The following CCDC60 variants were observed in gnomAD, a reference collection of about 807,000 sequenced individuals.
CCDC60 encodes the protein coiled-coil domain containing 60, also known as coiled-coil domain-containing protein 60.
Under a neutral mutation model 63.5 loss-of-function variants are expected in CCDC60, and 54 were observed. That is an observed-to-expected ratio of 0.85 (90% CI 0.68 to 1.07). The LOEUF is 1.07. Among genes scored for constraint, CCDC60 ranks in the 50% least tolerant of loss-of-function variants. The pLI is 0.00. For missense variants in CCDC60, 651 were observed against 684.3 expected, an observed-to-expected ratio of 0.95 and a Z score of 0.54; for synonymous variants, 206 against 238.8, an observed-to-expected ratio of 0.86 and a Z score of 1.27.
At chr12:119,394,919 G>C (rs1956223796) in intron 1 of CCDC60, among the ~76,000 whole-genome samples, 1 of 152,222 alleles carries the variant, frequency 6.6e-6, no homozygotes, top group Admixed American at 6.5e-5. Flanking sequence ...TGGAAACACA[G>C]AGAAGCATGA....
intron 5 of CCDC60, among the ~76,000 whole-genome samples, chr12:119,495,252 A>C (rs1951694082): frequency 6.6e-6 from 1 of 152,174 alleles, no homozygotes; most frequent in East Asian, 1.9e-4. Context: ...GTAAATCCCA[A>C]AGTCTTTAAT....
chr12:119,400,316 C>T lies in CCDC60; in HGVS notation c.91-28367C>T, dbSNP rs188482935. 6.4e-3 allele frequency among the ~76,000 whole-genome samples: 967 copies of T among 152,248 alleles called. 11 individuals are homozygous for T. The highest frequency in any genetic ancestry group is 0.022 in the African/African-American group (900 of 41,550). ...CACCCGCCTTGGCCTCCCAAAGTGC[C>T]GGGATTACAGGCGTGAGCCACTGCG... On this transcript the variant is annotated intron_variant, in intron 1 of 13. Coordinates refer to ENST00000327554, the MANE Select transcript of CCDC60 (RefSeq NM_178499.5).
rs142821162 is a variant in CCDC60, at chr12:119,377,980, T to C, written c.90+42714T>C. 4.7e-3 allele frequency among the ~76,000 whole-genome samples: 709 copies of C among 152,356 alleles called. 9 individuals carry two copies. The highest frequency in any genetic ancestry group is 0.016 in the African/African-American group (657 of 41,586). Reference sequence around the variant, plus strand: ...GAAAGAGAAAAGAGAATAGCTCTCTTTCTTGCAGAGAGAGAGGAGCTCCCA... The same window carrying C: ...GAAAGAGAAAAGAGAATAGCTCTCTCTCTTGCAGAGAGAGAGGAGCTCCCA... On this transcript the variant is annotated intron_variant, in intron 1 of 13. Coordinates refer to ENST00000327554, the MANE Select transcript of CCDC60 (RefSeq NM_178499.5).
At chr12:119,450,572 T>C (rs1012962672) in intron 2 of CCDC60, among the ~76,000 whole-genome samples, 1 of 151,938 alleles carries the variant, frequency 6.6e-6, no homozygotes, top group African/African-American at 2.4e-5. Context: ...GTTAAAGACA[T>C]GAGAGGCCGG....
intron 12 of CCDC60, 21 bp from the exon 13 acceptor site, chr12:119,530,853 C>T (rs144138638): frequency 2.7e-4 from 429 of 1,604,394 alleles, no homozygotes; most frequent in Non-Finnish European, 2.5e-4. Flanking sequence ...CCTAACTTGT[C>T]CTCTCCTTTT....
At chr12:119,387,045 C>CAT in intron 1 of CCDC60, among the ~76,000 whole-genome samples, 1 of 147,324 alleles carries the variant, frequency 6.8e-6, no homozygotes, top group East Asian at 2.0e-4. Flanking sequence ...CACACACACA[C>CAT]ACACACACAC....
intron 1 of CCDC60, among the ~76,000 whole-genome samples, chr12:119,382,155 G>A (rs958987503): frequency 6.6e-6 from 1 of 152,168 alleles, no homozygotes; most frequent in Non-Finnish European, 1.5e-5. Flanking sequence ...CTTTAGCCAC[G>A]AAACTTTTAG....
intron 1 of CCDC60, among the ~76,000 whole-genome samples, chr12:119,403,856 A>C (rs984306973): frequency 6.6e-6 from 1 of 152,224 alleles, no homozygotes; most frequent in Non-Finnish European, 1.5e-5. Flanking sequence ...TGAAAAATGA[A>C]AAATTGTATA....
chr12:119,450,069 T>G (rs1456482936), intron 2 of CCDC60, among the ~76,000 whole-genome samples: 4 of 152,168 alleles, frequency 2.6e-5, no homozygotes, highest in Non-Finnish European at 4.4e-5. Context: ...AAATGTGGTA[T>G]ACTACTTAGC....
chr12:119,366,677 T>C (rs926101377), intron 1 of CCDC60, among the ~76,000 whole-genome samples: 4 of 152,152 alleles, frequency 2.6e-5, no homozygotes, highest in African/African-American at 7.2e-5. Flanking sequence ...CCTGATTTAA[T>C]GGATGAGAAA....
intron 1 of CCDC60, among the ~76,000 whole-genome samples, chr12:119,360,959 C>A (rs999220058): frequency 6.6e-6 from 1 of 152,260 alleles, no homozygotes; most frequent in East Asian, 1.9e-4. Context: ...CACAACGAAA[C>A]CCCGTCTCCA....
chr12:119,396,920 T>A (rs544487163), intron 1 of CCDC60, among the ~76,000 whole-genome samples: 1 of 152,320 alleles, frequency 6.6e-6, no homozygotes, highest in South Asian at 2.1e-4. Context: ...GTTACATTTC[T>A]TAAAGATGGT....
intron 4 of CCDC60, among the ~76,000 whole-genome samples, chr12:119,486,096 G>A (rs1267526031): frequency 1.3e-5 from 2 of 152,244 alleles, no homozygotes; most frequent in African/African-American, 4.8e-5. Flanking sequence ...GGAGGGTATA[G>A]TGAGGTGCTC....
chr12:119,539,299 T>G (rs1049470277), intron 13 of CCDC60, among the ~76,000 whole-genome samples: 11 of 152,354 alleles, frequency 7.2e-5, no homozygotes, highest in Admixed American at 3.3e-4. Context: ...CAACCGCCCC[T>G]TCTCCCAGGT....
chr12:119,471,518 C>T (rs1422823653), intron 2 of CCDC60, among the ~76,000 whole-genome samples: 1 of 152,208 alleles, frequency 6.6e-6, no homozygotes, highest in Non-Finnish European at 1.5e-5. Flanking sequence ...CAGCACCTAG[C>T]AGACTGCCTG....
intron 1 of CCDC60, among the ~76,000 whole-genome samples, chr12:119,344,853 T>TCA (rs1489223455): frequency 1.4e-3 from 148 of 104,146 alleles, no homozygotes; most frequent in East Asian, 6.4e-3. Context: ...TCTCTCTCTC[T>TCA]CTCACACACA....
chr12:119,353,663 A>G (rs1159963392), intron 1 of CCDC60, among the ~76,000 whole-genome samples: 1 of 125,802 alleles, frequency 7.9e-6, no homozygotes, highest in Non-Finnish European at 1.6e-5. Flanking sequence ...GCTGGAGTGC[A>G]GAGGTGTGAT....
chr12:119,383,677 G>C (rs949196612), intron 1 of CCDC60, among the ~76,000 whole-genome samples: 1 of 152,236 alleles, frequency 6.6e-6, no homozygotes. Flanking sequence ...TAGCTGAGCT[G>C]TCCTGTCACT....
At chr12:119,452,814 G>GTTTTTT (rs78696291) in intron 2 of CCDC60, among the ~76,000 whole-genome samples, 1 of 144,456 alleles carries the variant, frequency 6.9e-6, no homozygotes, top group Non-Finnish European at 1.5e-5. Flanking sequence ...AATTTGGCTT[G>GTTTTTT]TTTTTTTTTT....
Sources: gnomAD v4.1 joint callset for allele counts (sites outside exome capture counted in the v4.1 genomes callset) on GRCh38, gnomAD v4.1.1 for gene constraint, MANE v1.5 for transcripts, NCBI Gene and HGNC (gene_info 2026-07-23, HGNC 2026-07-21) for gene names.